The following RBFOX1 variants were observed in gnomAD, a reference collection of about 807,000 sequenced individuals.
RBFOX1 encodes the protein RNA binding protein fox-1 homolog 1.
In RBFOX1, 8 loss-of-function variants were observed where a neutral mutation model predicts 57.7. The ratio of observed to expected loss-of-function variants is 0.14; its 90% CI spans 0.08 to 0.25. The LOEUF (loss-of-function observed/expected upper bound fraction) is 0.25, where lower values mean the gene tolerates loss of function less well. Among genes scored for constraint, RBFOX1 ranks in the 10% least tolerant of loss-of-function variants. RBFOX1 has a pLI of 1.00. For missense variants in RBFOX1, 611 were observed against 548.5 expected (o/e 1.11, Z -1.14); for synonymous variants, 326 against 222.4 (o/e 1.47, Z -4.15).
chr16:7,682,836 G>T (rs1169358968), intron 14 of RBFOX1, among the ~76,000 whole-genome samples: 1 of 149,202 alleles, frequency 6.7e-6, no homozygotes, highest in Non-Finnish European at 1.5e-5. Context: ...CCATTTTGTT[G>T]TTGTTGTTTT....
chr16:5,888,266 C>A lies in RBFOX1; in HGVS notation c.351+20931C>A, dbSNP rs111337276. 2.8e-4 allele frequency among the ~76,000 whole-genome samples: 43 copies of A among 152,300 alleles called. 1 individual carries two copies. Among genetic ancestry groups the A allele is most frequent in the African/African-American group, 1.0e-3 (43 of 41,570 alleles). ...GGCCAGGTCCTCTTCTTCCTGTGGGCCACCTTTTCTCCAGTTGCCTCCCCT... is the reference window on the plus strand; with the variant it reads ...GGCCAGGTCCTCTTCTTCCTGTGGGACACCTTTTCTCCAGTTGCCTCCCCT... On this transcript the variant is annotated intron_variant, in intron 4 of 19. Coordinates refer to the RBFOX1 transcript ENST00000641259.
At chr16:6,953,070 A>AC (rs2081084424) in intron 3 of RBFOX1, among the ~76,000 whole-genome samples, 2 of 152,146 alleles carry the variant, frequency 1.3e-5, no homozygotes, top group Admixed American at 1.3e-4. Flanking sequence ...AGGTGGCGAA[A>AC]CCAAGCCACA....
chr16:5,952,856 C>G (rs2059548680), intron 4 of RBFOX1, among the ~76,000 whole-genome samples: 1 of 152,160 alleles, frequency 6.6e-6, no homozygotes. Context: ...TGGTAAAAAT[C>G]CAGGGTTATC....
intron 3 of RBFOX1, among the ~76,000 whole-genome samples, chr16:6,974,616 A>G (rs149173570): frequency 0.055 from 8,309 of 152,058 alleles, 252 homozygotes; most frequent in African/African-American, 0.072. Context: ...AAGTGCTGGG[A>G]TTACAGGCGT....
chr16:6,956,863 T>C (rs1198730925), intron 3 of RBFOX1, among the ~76,000 whole-genome samples: 1 of 152,104 alleles, frequency 6.6e-6, no homozygotes, highest in East Asian at 1.9e-4. Context: ...GTATTCAAGG[T>C]GACTTCTTTC....
rs2044682462 is a variant in RBFOX1 at position 7,037,026 on chromosome 16, G to A, written c.-15-15031G>A. Among the ~76,000 whole-genome samples, 2 of 152,116 alleles carry A rather than the reference G, an allele frequency of 1.3e-5. 1 individual carries two copies. Among genetic ancestry groups the A allele is most frequent in the Non-Finnish European group, 2.9e-5 (2 of 68,036 alleles). ...ATTTATAAACTGTCATGGTGCCAGT[G>A]GGAGTGTGGCAGTGAGGACAACCAG... On this transcript the variant is annotated intron_variant, in intron 3 of 15. Transcript: ENST00000550418.
chr16:5,590,004 C>T (rs534982577), intron 2 of RBFOX1, among the ~76,000 whole-genome samples: 2 of 152,040 alleles, frequency 1.3e-5, no homozygotes, highest in African/African-American at 2.4e-5. Context: ...TGCCTCTTGA[C>T]GACTTAGACA....
At chr16:6,880,821 T>A (rs1206401470) in intron 3 of RBFOX1, among the ~76,000 whole-genome samples, 1 of 152,342 alleles carries the variant, frequency 6.6e-6, no homozygotes, top group East Asian at 1.9e-4. Flanking sequence ...AATAAATCAA[T>A]ATATAAATGT....
At chr16:5,501,057 T>G (rs28498123) in intron 2 of RBFOX1, among the ~76,000 whole-genome samples, 5,234 of 152,232 alleles carry the variant, frequency 0.034, 321 homozygotes, top group African/African-American at 0.12. Context: ...GTTTCACCCC[T>G]GTAATCCCAG....
At chr16:6,865,356 T>G (rs1470515202) in intron 3 of RBFOX1, among the ~76,000 whole-genome samples, 2 of 152,112 alleles carry the variant, frequency 1.3e-5, no homozygotes, top group Non-Finnish European at 2.9e-5. Flanking sequence ...ATGTGTTCAT[T>G]GTAGATAACA....
At chr16:6,074,726 C>G (rs1344192765) in intron 1 of RBFOX1, among the ~76,000 whole-genome samples, 1 of 152,144 alleles carries the variant, frequency 6.6e-6, no homozygotes, top group East Asian at 1.9e-4. Context: ...AATGAACTAA[C>G]AAGGTTCTTG....
At chr16:6,560,958 G>A (rs2097171995) in intron 2 of RBFOX1, among the ~76,000 whole-genome samples, 3 of 152,188 alleles carry the variant, frequency 2.0e-5, no homozygotes, top group Admixed American at 2.0e-4. Flanking sequence ...GGCATGTGCT[G>A]TAGATAGTCA....
chr16:5,691,008 T>G (rs1251175131), intron 3 of RBFOX1, among the ~76,000 whole-genome samples: 1 of 152,108 alleles, frequency 6.6e-6, no homozygotes, highest in Admixed American at 6.5e-5. Flanking sequence ...ATAATCCTCT[T>G]TACCCCAGAA....
At chr16:7,193,793 G>A (rs2086017809) in intron 4 of RBFOX1, among the ~76,000 whole-genome samples, 1 of 152,098 alleles carries the variant, frequency 6.6e-6, no homozygotes, top group African/African-American at 2.4e-5. Context: ...AGCACAACAG[G>A]TCCTAGAAGA....
chr16:7,064,109 T>C (rs1046679022), intron 4 of RBFOX1, among the ~76,000 whole-genome samples: 3 of 151,048 alleles, frequency 2.0e-5, no homozygotes, highest in Non-Finnish European at 4.4e-5. Flanking sequence ...AAAAGATAAG[T>C]AAGATAAAAT....
intron 1 of RBFOX1, among the ~76,000 whole-genome samples, chr16:5,448,600 T>A (rs1167238715): frequency 6.6e-6 from 1 of 152,072 alleles, no homozygotes; most frequent in Non-Finnish European, 1.5e-5. Context: ...ACTGAGTGGG[T>A]ACTCTGGGGC....
chr16:6,464,256 A>G (rs562469302), intron 2 of RBFOX1, among the ~76,000 whole-genome samples: 1 of 152,194 alleles, frequency 6.6e-6, no homozygotes, highest in East Asian at 1.9e-4. Flanking sequence ...TGTGAGTAAA[A>G]CAAAAAAAAT....
chr16:6,870,251 GGA>G (rs933426863), intron 3 of RBFOX1, among the ~76,000 whole-genome samples: 14 of 152,204 alleles, frequency 9.2e-5, no homozygotes, highest in African/African-American at 3.4e-4. Context: ...GTGGGGCAAT[GGA>G]GAGAGCATTC....
At chr16:7,018,383 G>A (rs2094022152) in intron 3 of RBFOX1, among the ~76,000 whole-genome samples, 1 of 152,128 alleles carries the variant, frequency 6.6e-6, no homozygotes, top group African/African-American at 2.4e-5. Flanking sequence ...CTTTCTAGAT[G>A]CTTCTTTATG....
Sources: allele counts gnomAD v4.1 joint callset (sites outside exome capture counted in the v4.1 genomes callset), GRCh38; gene constraint gnomAD v4.1.1; transcripts MANE v1.5; gene names NCBI Gene and HGNC (gene_info 2026-07-23, HGNC 2026-07-21).